ST6GAL1: variants seen among roughly 807,000 people sequenced by gnomAD.
The protein encoded by ST6GAL1 is ST6 beta-galactoside alpha-2,6-sialyltransferase 1, also known as beta-galactoside alpha-2,6-sialyltransferase 1.
In ST6GAL1, 20 loss-of-function variants were observed where a neutral mutation model predicts 38.0. The observed-to-expected ratio is 0.53, with a 90% CI of 0.37 to 0.77. The LOEUF (loss-of-function observed/expected upper bound fraction) is 0.77. Among genes scored for constraint, ST6GAL1 ranks in the 30% least tolerant of loss-of-function variants. The probability of loss-of-function intolerance (pLI) is 0.00; values close to 1 mark genes in which losing one functional copy is unlikely to be tolerated. For synonymous variants in ST6GAL1, 196 were observed against 188.2 expected (o/e 1.04, Z -0.34); for missense variants, 432 against 496.4 (o/e 0.87, Z 1.23).
intron 2 of ST6GAL1, among the ~76,000 whole-genome samples, chr3:187,007,316 G>C (rs191235730): frequency 4.6e-5 from 7 of 152,284 alleles, no homozygotes; most frequent in Admixed American, 3.9e-4. Flanking sequence ...CAAAAGTCCT[G>C]GGCACACTAC....
At chr3:187,053,314 T>G (rs1718578683) in intron 5 of ST6GAL1, among the ~76,000 whole-genome samples, 1 of 152,186 alleles carries the variant, frequency 6.6e-6, no homozygotes, top group African/African-American at 2.4e-5. Flanking sequence ...TAGATCCCAT[T>G]TGTCTATTTT....
chr3:187,051,285 C>T lies in ST6GAL1; in HGVS notation c.644C>T (p.Pro215Leu). 6.2e-7 allele frequency: 1 copy of T among 1,614,102 alleles called. No homozygotes were observed. Among genetic ancestry groups the T allele is most frequent in the East Asian group, 2.2e-5 (1 of 44,884 alleles). The change falls in exon 5 of 8, where the codon CCC (proline) becomes CTC (leucine). Residue 215 changes from proline (P) to leucine (L), a missense_variant. Physicochemically the swap from Pro to Leu is moderately conservative, Grantham distance 98. Transcript: ENST00000169298. ...HDAVLRFNGA[P>L]TANFQQDVGT... The stretch of plus-strand genomic sequence containing the variant: ...GCAGTCCTGAGGTTTAATGGGGCAC[C>T]CACAGCCAACTTCCAACAAGATGTG...
chr3:186,995,918 A>G (rs1219826570), intron 2 of ST6GAL1, among the ~76,000 whole-genome samples: 2 of 152,184 alleles, frequency 1.3e-5, no homozygotes, highest in African/African-American at 4.8e-5. Context: ...GATTTGAAAT[A>G]TAATCTTTGG....
intron 7 of ST6GAL1, 83 bp downstream of exon 7, chr3:187,074,416 C>G: frequency 1.4e-6 from 2 of 1,396,946 alleles, no homozygotes; most frequent in South Asian, 3.3e-5. Context: ...TTCAGTCATT[C>G]GTTTGTTCAT....
chr3:186,975,449 A>C (rs1216150484), intron 2 of ST6GAL1, among the ~76,000 whole-genome samples: 1 of 152,172 alleles, frequency 6.6e-6, no homozygotes, highest in Non-Finnish European at 1.5e-5. Context: ...AGGCAAGGAA[A>C]GAAGAAGTGC....
In ST6GAL1 at chr3:186,984,508, A is replaced by G. The variant is rs771797947; in HGVS notation, c.-183+20582A>G. Among the ~76,000 whole-genome samples, 43 of 151,558 alleles carry G rather than the reference A, an allele frequency of 2.8e-4. 1 individual carries two copies. In the South Asian group the frequency reaches 3.5e-3, roughly 13 times the overall value. ...CCGTCTCCATGTACCCTCTTCCTTG[A>G]TCCTTTCCTTCCAACCAGTGCACAC... On this transcript the variant is annotated intron_variant, in intron 2 of 7. Coordinates refer to ENST00000169298, the MANE Select transcript of ST6GAL1 (RefSeq NM_173216.2).
At chr3:187,020,312 C>CA (rs917517992) in intron 2 of ST6GAL1, among the ~76,000 whole-genome samples, 1 of 151,730 alleles carries the variant, frequency 6.6e-6, no homozygotes, top group Non-Finnish European at 1.5e-5. Flanking sequence ...AACAAACAAA[C>CA]AAAAAACAAA....
intron 2 of ST6GAL1, among the ~76,000 whole-genome samples, chr3:186,993,963 C>T (rs1716271151): frequency 6.6e-6 from 1 of 152,132 alleles, no homozygotes; most frequent in South Asian, 2.1e-4. Context: ...TGTAGGTAGA[C>T]ATGGCTCTAC....
chr3:186,949,396 G>A (rs1714499386), intron 1 of ST6GAL1, among the ~76,000 whole-genome samples: 1 of 152,214 alleles, frequency 6.6e-6, no homozygotes, highest in Non-Finnish European at 1.5e-5. Context: ...GGCCTGAGCT[G>A]GAGGTGGTGG....
chr3:187,015,781 G>A (rs767319427), intron 2 of ST6GAL1, among the ~76,000 whole-genome samples: 2 of 152,168 alleles, frequency 1.3e-5, no homozygotes, highest in African/African-American at 2.4e-5. Context: ...CGAGGCTGCA[G>A]TGAGCTGTGA....
Position 187,075,368 on chromosome 3 carries a change from C to A in ST6GAL1, c.980-194C>A, listed in dbSNP as rs546464648. ...GGGATTCAAAGGTGTATAACCCTCACACAGCCCTGCATCCTAAGGAACACT... is the reference window on the plus strand; with the variant it reads ...GGGATTCAAAGGTGTATAACCCTCAAACAGCCCTGCATCCTAAGGAACACT... On this transcript the variant is annotated intron_variant, in intron 7 of 7. Coordinates refer to ENST00000169298, the MANE Select transcript of ST6GAL1 (RefSeq NM_173216.2). The surrounding 1 kb of genome is among the most constrained non-coding windows in gnomAD (Gnocchi z 4.1). Among the ~76,000 whole-genome samples, 1 of 152,210 alleles carries A rather than the reference C, an allele frequency of 6.6e-6. No homozygotes were observed. Among genetic ancestry groups the A allele is most frequent in the Admixed American group, 6.5e-5 (1 of 15,270 alleles).
chr3:186,993,233 G>C (rs1716237631), intron 2 of ST6GAL1, among the ~76,000 whole-genome samples: 2 of 152,246 alleles, frequency 1.3e-5, no homozygotes, highest in African/African-American at 2.4e-5. Flanking sequence ...GGTGGGCCCT[G>C]TTTGGTGGCC....
intron 2 of ST6GAL1, among the ~76,000 whole-genome samples, chr3:187,016,886 G>C (rs6444194): frequency 0.01 from 1,524 of 152,346 alleles, 28 homozygotes; most frequent in African/African-American, 0.035. Flanking sequence ...AGATCACCAC[G>C]TGGGGAGGAG....
At chr3:187,026,780 T>C (rs1313757431) in intron 2 of ST6GAL1, among the ~76,000 whole-genome samples, 2 of 152,206 alleles carry the variant, frequency 1.3e-5, no homozygotes, top group Admixed American at 6.5e-5. Context: ...GTGCGGTGGC[T>C]CACGCCTGTA....
chr3:186,989,482 G>A (rs2108544200), intron 2 of ST6GAL1, among the ~76,000 whole-genome samples: 1 of 152,244 alleles, frequency 6.6e-6, no homozygotes, highest in African/African-American at 2.4e-5. Flanking sequence ...ACTGAGTGGG[G>A]GATTTTTATT....
chr3:187,069,202 T>C (rs1039324908), intron 5 of ST6GAL1, among the ~76,000 whole-genome samples: 7 of 152,140 alleles, frequency 4.6e-5, no homozygotes, highest in African/African-American at 1.7e-4. Context: ...TGGCACGATC[T>C]TGGCTCACTG....
At position 187,048,152 on chromosome 3, in the gene ST6GAL1, C is replaced by T. The variant is rs531511328; in HGVS notation, c.608-3097C>T. On this transcript the variant is annotated intron_variant, in intron 4 of 7. Transcript: ENST00000169298. ...TAGAGACGAGGTTTCACTGTGTTAGCCAGGATGGTCTCGATCTCCTGACCT... is the reference window on the plus strand; with the variant it reads ...TAGAGACGAGGTTTCACTGTGTTAGTCAGGATGGTCTCGATCTCCTGACCT... Among the ~76,000 whole-genome samples, 4 of 152,150 alleles carry T rather than the reference C, an allele frequency of 2.6e-5. No homozygotes were observed. The Middle Eastern group carries it at 0.01, about 388-fold the overall frequency.
At chr3:187,064,548 C>T (rs1487720057) in intron 5 of ST6GAL1, 35 of 456,704 alleles carry the variant, frequency 7.7e-5, no homozygotes, top group Middle Eastern at 3.3e-4. Flanking sequence ...GCCAGGGCTG[C>T]GAGGAAGGTG....
At chr3:186,985,511 C>T (rs1715884876) in intron 2 of ST6GAL1, among the ~76,000 whole-genome samples, 1 of 151,432 alleles carries the variant, frequency 6.6e-6, no homozygotes, top group Non-Finnish European at 1.5e-5. Flanking sequence ...AGGCTAGGCA[C>T]TCCCAGCACT....
Sources: gnomAD v4.1 joint callset for allele counts (sites outside exome capture counted in the v4.1 genomes callset) on GRCh38, gnomAD v4.1.1 for gene constraint, Gnocchi (gnomAD v3.1) non-coding constraint, MANE v1.5 for transcripts, NCBI Gene and HGNC (gene_info 2026-07-23, HGNC 2026-07-21) for gene names.